DLG2: variants seen among roughly 807,000 people sequenced by gnomAD.
DLG2 encodes disks large homolog 2.
In DLG2, 45 loss-of-function variants were observed where a neutral mutation model predicts 132.5. The observed-to-expected ratio is 0.34, with a 90% CI of 0.27 to 0.44. The LOEUF (loss-of-function observed/expected upper bound fraction) is 0.44, where lower values mean the gene tolerates loss of function less well. Among genes scored for constraint, DLG2 ranks in the 20% least tolerant of loss-of-function variants. The pLI, the probability that DLG2 is intolerant of heterozygous loss-of-function variation, is 1.00. For missense variants in DLG2, 1,045 were observed against 1,196.9 expected (o/e 0.87, Z 1.87); for synonymous variants, 424 against 419.6 (o/e 1.01, Z -0.13).
intron 6 of DLG2, among the ~76,000 whole-genome samples, chr11:85,060,948 A>G (rs2064060193): frequency 6.6e-6 from 1 of 150,766 alleles, no homozygotes; most frequent in Non-Finnish European, 1.5e-5. Flanking sequence ...GTGTGAAGTG[A>G]TATCTCCTTG....
chr11:84,882,985 T>A (rs548735246), intron 6 of DLG2, among the ~76,000 whole-genome samples: 75 of 152,190 alleles, frequency 4.9e-4, no homozygotes, highest in African/African-American at 1.8e-3. Context: ...TTATAAATCA[T>A]TCTGTTATAA....
chr11:85,478,523 C>A (rs761941434), intron 3 of DLG2, among the ~76,000 whole-genome samples: 10 of 152,190 alleles, frequency 6.6e-5, no homozygotes, highest in Non-Finnish European at 1.5e-4. Flanking sequence ...GCTTTATCTA[C>A]AATGTGAAAT....
chr11:85,263,068 G>C (rs558671673), intron 4 of DLG2, among the ~76,000 whole-genome samples: 2 of 152,134 alleles, frequency 1.3e-5, no homozygotes, highest in African/African-American at 4.8e-5. Flanking sequence ...CCCAGGAAAA[G>C]GGGGTTCCAC....
intron 15 of DLG2, among the ~76,000 whole-genome samples, chr11:83,925,614 C>T (rs1034107877): frequency 2.0e-5 from 3 of 151,912 alleles, no homozygotes; most frequent in Non-Finnish European, 2.9e-5. Flanking sequence ...ATATATATAT[C>T]CTTCAGTGAG....
chr11:84,871,654 G>A (rs1293222132), intron 6 of DLG2, among the ~76,000 whole-genome samples: 2 of 152,046 alleles, frequency 1.3e-5, no homozygotes, highest in African/African-American at 2.4e-5. Flanking sequence ...TGGTGGGATA[G>A]AGAACTGAAT....
intron 3 of DLG2, among the ~76,000 whole-genome samples, chr11:85,474,419 C>A (rs1597677538): frequency 6.6e-6 from 1 of 151,800 alleles, no homozygotes; most frequent in South Asian, 2.1e-4. Context: ...AAGTTTCCAA[C>A]CATGGTGAGC....
chr11:85,315,198 G>C (rs1467912376), intron 3 of DLG2, among the ~76,000 whole-genome samples: 2 of 152,012 alleles, frequency 1.3e-5, no homozygotes, highest in Non-Finnish European at 2.9e-5. Context: ...TCATCACTGA[G>C]CTCACAGCTT....
At chr11:84,921,206 T>G (rs2154083768) in intron 6 of DLG2, among the ~76,000 whole-genome samples, 1 of 152,316 alleles carries the variant, frequency 6.6e-6, no homozygotes, top group South Asian at 2.1e-4. Context: ...GCAAAACTTG[T>G]TGTCTCAGAA....
chr11:84,877,686 A>T (rs1301869377), intron 6 of DLG2, among the ~76,000 whole-genome samples: 1 of 151,986 alleles, frequency 6.6e-6, no homozygotes, highest in Non-Finnish European at 1.5e-5. Flanking sequence ...GAGGGCATTT[A>T]GCCCGTTTAT....
chr11:84,798,474 C>T (rs1341727567), intron 6 of DLG2, among the ~76,000 whole-genome samples: 2 of 152,174 alleles, frequency 1.3e-5, no homozygotes, highest in African/African-American at 4.8e-5. Context: ...GCCCATGGGG[C>T]ATTCTGGCAG....
intron 3 of DLG2, among the ~76,000 whole-genome samples, chr11:85,535,279 G>T (rs954891766): frequency 1.3e-5 from 2 of 152,072 alleles, no homozygotes; most frequent in African/African-American, 4.8e-5. Context: ...TTCAAACATT[G>T]TAGGTATTAT....
intron 9 of DLG2, among the ~76,000 whole-genome samples, chr11:84,138,854 C>A (rs1281117651): frequency 3.4e-5 from 5 of 148,230 alleles, no homozygotes; most frequent in Non-Finnish European, 7.4e-5. Context: ...GAGGCTGAGG[C>A]AGGAGAATTG....
intron 19 of DLG2, among the ~76,000 whole-genome samples, chr11:83,547,012 A>G (rs1286735119): frequency 8.5e-5 from 13 of 152,104 alleles, no homozygotes; most frequent in Non-Finnish European, 7.4e-5. Context: ...ACCAACCTCT[A>G]TGCTCTTTTG....
At chr11:83,936,694 T>C (rs2081520638) in intron 14 of DLG2, among the ~76,000 whole-genome samples, 2 of 152,214 alleles carry the variant, frequency 1.3e-5, no homozygotes, top group South Asian at 4.1e-4. Flanking sequence ...AGATGCTTTA[T>C]TTCCTTAAAA....
rs538582918 is a variant in DLG2, at chr11:85,075,012, T to C, written c.357+36649A>G. Reference sequence around the variant, plus strand: ...TAGAACTAAAAGGGGAGGCAGGCAATCTAAGGAAGAGAAAATAGCAACAGG... The same window carrying C: ...TAGAACTAAAAGGGGAGGCAGGCAACCTAAGGAAGAGAAAATAGCAACAGG... On this transcript the variant is annotated intron_variant, in intron 6 of 27. Transcript: ENST00000376104. Among the ~76,000 whole-genome samples the C allele has an allele frequency of 2.0e-5, 3 of 151,886 alleles. No individual in the cohort carries two copies. In the South Asian group the frequency reaches 6.2e-4, roughly 31 times the overall value.
chr11:83,637,181 G>C (rs927828042), intron 18 of DLG2, among the ~76,000 whole-genome samples: 1 of 152,106 alleles, frequency 6.6e-6, no homozygotes, highest in African/African-American at 2.4e-5. Flanking sequence ...TTTTCAACAA[G>C]TTAAAACAGA....
intron 6 of DLG2, among the ~76,000 whole-genome samples, chr11:85,069,723 A>G (rs561617121): frequency 1.3e-5 from 2 of 152,272 alleles, no homozygotes; most frequent in African/African-American, 4.8e-5. Context: ...AACTAGTTTA[A>G]CCATTGTGGA....
chr11:85,469,100 A>C (rs1219587568), intron 3 of DLG2, among the ~76,000 whole-genome samples: 1 of 152,228 alleles, frequency 6.6e-6, no homozygotes, highest in Non-Finnish European at 1.5e-5. Flanking sequence ...GTCAAGAACC[A>C]TGAAAGTATT....
chr11:83,920,077 G>A (rs2077583589), intron 15 of DLG2, among the ~76,000 whole-genome samples: 1 of 152,184 alleles, frequency 6.6e-6, no homozygotes, highest in Non-Finnish European at 1.5e-5. Context: ...CGTGCCAGAA[G>A]AAGGGGAGCC....
Sources: gnomAD v4.1 joint callset for allele counts (sites outside exome capture counted in the v4.1 genomes callset) on GRCh38, gnomAD v4.1.1 for gene constraint, MANE v1.5 for transcripts, NCBI Gene and HGNC (gene_info 2026-07-23, HGNC 2026-07-21) for gene names.